The following ELOVL4 variants were observed in gnomAD, a reference collection of about 807,000 sequenced individuals.
ELOVL4 encodes the protein ELOVL fatty acid elongase 4.
Under a neutral mutation model 42.1 loss-of-function variants are expected in ELOVL4, and 18 were observed. That is an observed-to-expected ratio of 0.43 (90% confidence interval 0.30 to 0.63). The LOEUF is 0.63. Among genes scored for constraint, ELOVL4 ranks in the 30% least tolerant of loss-of-function variants. The probability of loss-of-function intolerance (pLI) is 0.15; values close to 1 mark genes in which losing one functional copy is unlikely to be tolerated. For missense variants in ELOVL4, 299 were observed against 376.2 expected (o/e 0.79, Z 1.70); for synonymous variants, 117 against 127.0 (o/e 0.92, Z 0.53).
In ELOVL4 at chr6:79,916,295, A is replaced by T. The variant is rs1315933420; in HGVS notation, c.*313T>A. ...AGACCGAAGAATGAGTGACTATAAG[A>T]TACATGAAAAATCTCATCCTTTAGA... On this transcript the variant is annotated 3_prime_UTR_variant, in exon 6 of 6. Transcript: ENST00000369816. 1 of 333,476 alleles carries T rather than the reference A, an allele frequency of 3.0e-6. No individual in the cohort carries two copies. The highest frequency in any genetic ancestry group is 2.1e-5 in the African/African-American group (1 of 47,334). 20.7% of individuals were successfully genotyped at this position (333,476 alleles called of 1,614,324 possible).
Position 79,915,658 on chromosome 6 carries a change from A to G in ELOVL4, c.*950T>C, listed in dbSNP as rs1458099165. The G allele has an allele frequency of 6.6e-6, 1 of 152,598 alleles. No homozygotes were observed. Among genetic ancestry groups the G allele is most frequent in the Non-Finnish European group, 1.5e-5 (1 of 68,026 alleles). The allele number at this position is 152,598 out of a possible 1,614,324, so 9.5% of individuals were successfully genotyped here. ...TTGATTTTTTAATTAAAATTTATTT[A>G]ATTTTAAATGTTCTTTCCAACGGAA... On this transcript the variant is annotated 3_prime_UTR_variant, in exon 6 of 6. Coordinates refer to ENST00000369816, the MANE Select transcript of ELOVL4 (RefSeq NM_022726.4).
chr6:79,940,453 C>T lies in ELOVL4; in HGVS notation c.100+6727G>A, dbSNP rs76781253. On this transcript the variant is annotated intron_variant, in intron 1 of 5. Transcript: ENST00000369816. ...TGTTTTCTCTTCTGTAAGACCTACA[C>T]ATTTTTATCAATTTTACAAAAATCT... 9.6e-3 allele frequency among the ~76,000 whole-genome samples: 1,469 copies of T among 152,270 alleles called. 31 individuals carry two copies. Among genetic ancestry groups the T allele is most frequent in the African/African-American group, 0.033 (1,375 of 41,564 alleles).
At position 79,919,407 on chromosome 6, in the gene ELOVL4, G is replaced by A. The variant is rs747699698; in HGVS notation, c.669+13C>T. 1.9e-6 allele frequency: 3 copies of A among 1,613,284 alleles called. No individual in the cohort carries two copies. Among genetic ancestry groups the A allele is most frequent in the Admixed American group, 1.7e-5 (1 of 59,990 alleles). On this transcript the variant is annotated intron_variant, in intron 5 of 5. Coordinates refer to ENST00000369816, the MANE Select transcript of ELOVL4 (RefSeq NM_022726.4). ...TATTTTACCAGAAGAAACTTTGGAAGCATTTAACTCACCAGTTGCAACATA... is the reference window on the plus strand; with the variant it reads ...TATTTTACCAGAAGAAACTTTGGAAACATTTAACTCACCAGTTGCAACATA...
chr6:79,927,460 T>C (rs1582048637), intron 1 of ELOVL4, among the ~76,000 whole-genome samples: 2 of 152,274 alleles, frequency 1.3e-5, no homozygotes, highest in South Asian at 4.1e-4. Context: ...TAACTCCCTA[T>C]TTAAACTGTC....
At chr6:79,924,891 G>A in intron 3 of ELOVL4, 61 bp downstream of exon 3, 1 of 1,001,460 alleles carries the variant, frequency 1.0e-6, no homozygotes, top group Non-Finnish European at 1.6e-6. Context: ...TATTTTCACA[G>A]ACTGGGGCCT....
intron 3 of ELOVL4, among the ~76,000 whole-genome samples, chr6:79,924,189 T>C (rs1258688905): frequency 6.6e-6 from 1 of 152,130 alleles, no homozygotes; most frequent in Non-Finnish European, 1.5e-5. Flanking sequence ...TCTGCAAATA[T>C]AAAAAAACTG....
intron 1 of ELOVL4, among the ~76,000 whole-genome samples, chr6:79,944,653 T>C (rs1482948714): frequency 6.6e-6 from 1 of 152,128 alleles, no homozygotes; most frequent in Non-Finnish European, 1.5e-5. Context: ...AAAGCACCAT[T>C]TGATATAATA....
chr6:79,926,274 G>C lies in ELOVL4; in HGVS notation c.208C>G (p.Arg70Gly), dbSNP rs750620675. 1 of 1,613,732 alleles carries C rather than the reference G, an allele frequency of 6.2e-7. No homozygotes were observed. The highest frequency in any genetic ancestry group is 8.5e-7 in the Non-Finnish European group (1 of 1,179,896). Residue 70 changes from arginine to glycine, a missense_variant, in exon 2 of 6, where the codon CGA becomes GGA. Physicochemically the swap from Arg to Gly is moderately radical, Grantham distance 125 (BLOSUM62 -2). Coordinates refer to ENST00000369816, the MANE Select transcript of ELOVL4 (RefSeq NM_022726.4). ...ACTAGACGCATCTGAAAAGGTTCTC[G>C]GTCCTTCATCCATTTTGGACCCAGC... ...VWLGPKWMKD[R>G]EPFQMRLVLI...
chr6:79,915,721 A>T lies in ELOVL4; in HGVS notation c.*887T>A, dbSNP rs1299542412. On this transcript the variant is annotated 3_prime_UTR_variant, in exon 6 of 6. Coordinates refer to ENST00000369816, the MANE Select transcript of ELOVL4 (RefSeq NM_022726.4). ...TTTCCACATATGAAAAATCAGGAAC[A>T]GCCATAAATCAAAACAAGGAAAGCC... 2 of 152,618 alleles carry T rather than the reference A, an allele frequency of 1.3e-5. No homozygotes were observed. The highest frequency in any genetic ancestry group is 4.8e-5 in the African/African-American group (2 of 41,468). The allele number at this position is 152,618 out of a possible 1,614,324, so 9.5% of individuals were successfully genotyped here. A position where few individuals can be genotyped will look rare whatever the true frequency, so the allele number is the denominator to read the frequency against.
intron 1 of ELOVL4, among the ~76,000 whole-genome samples, chr6:79,944,314 A>AG (rs535802263): frequency 6.5e-4 from 99 of 152,340 alleles, no homozygotes; most frequent in Non-Finnish European, 1.2e-3. Context: ...AAAGAATAGA[A>AG]GAAAAAAACT....
chr6:79,916,379 G>A lies in ELOVL4; in HGVS notation c.*229C>T. ...GTCACTTAATGATTGCTTTGGTCTG[G>A]AGAATATCAAGGCTAATTTTTAAAA... On this transcript the variant is annotated 3_prime_UTR_variant, in exon 6 of 6. Coordinates refer to ENST00000369816, the MANE Select transcript of ELOVL4 (RefSeq NM_022726.4). The A allele has an allele frequency of 1.9e-6, 1 of 534,148 alleles. No homozygotes were observed. The highest frequency in any genetic ancestry group is 2.1e-5 in the South Asian group (1 of 46,540). The allele number at this position is 534,148 out of a possible 1,614,324, so 33.1% of individuals were successfully genotyped here. A position where few individuals can be genotyped will look rare whatever the true frequency, so the allele number is the denominator to read the frequency against.
At chr6:79,929,455 G>T (rs192847498) in intron 1 of ELOVL4, among the ~76,000 whole-genome samples, 31 of 152,150 alleles carry the variant, frequency 2.0e-4, no homozygotes, top group South Asian at 8.3e-4. Flanking sequence ...TGCCTAGGCT[G>T]GTCTCAAACT....
chr6:79,939,038 G>C (rs575503267), intron 1 of ELOVL4, among the ~76,000 whole-genome samples: 18 of 152,306 alleles, frequency 1.2e-4, no homozygotes, highest in African/African-American at 4.1e-4. Flanking sequence ...ATCTCCCAGA[G>C]TTATTGTGAA....
chr6:79,926,719 A>G (rs1270644939), intron 1 of ELOVL4, among the ~76,000 whole-genome samples: 1 of 152,238 alleles, frequency 6.6e-6, no homozygotes, highest in East Asian at 1.9e-4. Flanking sequence ...GAAAATAAAT[A>G]TGTTAAGGAA....
rs750620675 is a variant in ELOVL4, at chr6:79,926,274, G to A, written c.208C>T (p.Arg70Ter). The A allele has an allele frequency of 2.5e-6, 4 of 1,613,614 alleles. No homozygotes were observed. Among genetic ancestry groups the A allele is most frequent in the Non-Finnish European group, 3.4e-6 (4 of 1,179,904 alleles). The change falls in exon 2 of 6, where the codon CGA becomes TGA. Residue 70 changes from arginine (R) to a stop codon, truncating the protein, a stop_gained. Coordinates refer to ENST00000369816, the MANE Select transcript of ELOVL4 (RefSeq NM_022726.4). LOFTEE classifies it high-confidence loss of function. The stretch of plus-strand genomic sequence containing the variant: ...ACTAGACGCATCTGAAAAGGTTCTC[G>A]GTCCTTCATCCATTTTGGACCCAGC... ...VWLGPKWMKD[R>*]EPFQMRLVLI...
At chr6:79,919,753 A>C (rs1774220536) in intron 4 of ELOVL4, among the ~76,000 whole-genome samples, 1 of 152,202 alleles carries the variant, frequency 6.6e-6, no homozygotes, top group Non-Finnish European at 1.5e-5. Context: ...TTGAGGTTTT[A>C]CCATATAAAT....
chr6:79,934,292 G>A (rs1160960452), intron 1 of ELOVL4, among the ~76,000 whole-genome samples: 1 of 152,134 alleles, frequency 6.6e-6, no homozygotes, highest in Non-Finnish European at 1.5e-5. Flanking sequence ...AGAGAGGCAG[G>A]AAAAGAGAAA....
chr6:79,926,193 C>T lies in ELOVL4; in HGVS notation c.288+1G>A. 1.9e-6 allele frequency: 3 copies of T among 1,611,192 alleles called. No individual in the cohort carries two copies. Among genetic ancestry groups the T allele is most frequent in the Non-Finnish European group, 2.5e-6 (3 of 1,177,694 alleles). ...TTATTAAAGTGATCTTAAAAACATA[C>T]CTCTCTGAAGATAAAGAGGTTAAGC... On this transcript the variant is annotated splice_donor_variant, in intron 2 of 5. Transcript: ENST00000369816. LOFTEE classifies it high-confidence loss of function.
chr6:79,927,760 C>G (rs1391045940), intron 1 of ELOVL4, among the ~76,000 whole-genome samples: 2 of 150,650 alleles, frequency 1.3e-5, no homozygotes, highest in African/African-American at 2.5e-5. Flanking sequence ...ACCAGGAAAA[C>G]AGAAAAACTG....
Sources: allele counts gnomAD v4.1 joint callset (sites outside exome capture counted in the v4.1 genomes callset), GRCh38; gene constraint gnomAD v4.1.1; transcripts MANE v1.5; gene names NCBI Gene and HGNC (gene_info 2026-07-23, HGNC 2026-07-21).